Variants in SCN2B observed in about 807,000 individuals in gnomAD.
SCN2B encodes the protein sodium voltage-gated channel beta subunit 2, also known as sodium channel regulatory subunit beta-2.
Under a neutral mutation model 18.2 loss-of-function variants are expected in SCN2B, and 14 were observed. The observed-to-expected ratio is 0.77, with a 90% CI of 0.51 to 1.21. The LOEUF is 1.21. SCN2B is among the 50% of genes most tolerant of loss of function. The pLI is 0.00. For missense variants in SCN2B, 262 were observed against 286.9 expected, an observed-to-expected ratio of 0.91 and a Z score of 0.63; for synonymous variants, 115 against 115.3, an observed-to-expected ratio of 1.00 and a Z score of 0.02.
chr11:118,170,269 C>T (rs1046837224), intron 1 of SCN2B, among the ~76,000 whole-genome samples: 3 of 152,086 alleles, frequency 2.0e-5, no homozygotes, highest in African/African-American at 4.8e-5. Flanking sequence ...TGTCTGATGT[C>T]GGGTGGGCAG....
chr11:118,174,104 T>TTTTTTTG (rs1565464879), intron 1 of SCN2B, among the ~76,000 whole-genome samples: 16 of 128,152 alleles, frequency 1.2e-4, no homozygotes, highest in African/African-American at 4.4e-4. Context: ...TTTTTTTTTT[T>TTTTTTTG]TTTTTTTTTT....
rs774528898 is a variant in SCN2B at position 118,176,386 on chromosome 11, C to T, written c.46G>A (p.Gly16Arg). 1.4e-5 allele frequency: 22 copies of T among 1,613,906 alleles called. No homozygotes were observed. The South Asian group carries it at 2.4e-4, about 18-fold the overall frequency. ...CCCAAAGAGAAAAAGAGACTGAGCC[C>T]CGTGAGGCTGAAGGCAGGGCGAGGT... The part of the protein sequence containing the change: ...WLPRPAFSLT[G>R]LSLFFSLVPP... Residue 16 changes from glycine to arginine, a missense_variant, in exon 1 of 4, where the codon GGG becomes AGG. By Grantham distance (125) the Gly-to-Arg change is moderately radical. Coordinates refer to ENST00000278947, the MANE Select transcript of SCN2B (RefSeq NM_004588.5).
Position 118,163,468 on chromosome 11 carries a change from T to C in SCN2B, c.*3419A>G, listed in dbSNP as rs535652256. Reference sequence around the variant, plus strand: ...ATGGATCCGATCAGCTTTTCCTTTTTATAAACTGGAAATAACTGTGAAGAG... The same window carrying C: ...ATGGATCCGATCAGCTTTTCCTTTTCATAAACTGGAAATAACTGTGAAGAG... On this transcript the variant is annotated 3_prime_UTR_variant, in exon 4 of 4. Coordinates refer to ENST00000278947, the MANE Select transcript of SCN2B (RefSeq NM_004588.5). 31 of 152,788 alleles carry C rather than the reference T, an allele frequency of 2.0e-4. No individual in the cohort carries two copies. Among genetic ancestry groups the C allele is most frequent in the African/African-American group, 7.0e-4 (29 of 41,578 alleles). The allele number at this position is 152,788 out of a possible 1,614,324, so 9.5% of individuals were successfully genotyped here. A position where few individuals can be genotyped will look rare whatever the true frequency, so the allele number is the denominator to read the frequency against.
rs535211998 is a variant in SCN2B at position 118,168,345 on chromosome 11, A to G, written c.238-50T>C. 4 of 1,533,780 alleles carry G rather than the reference A, an allele frequency of 2.6e-6. No individual in the cohort carries two copies. The highest frequency in any genetic ancestry group is 3.6e-6 in the Non-Finnish European group (4 of 1,107,292). ...TGGGTGGCTGGATGAGCAAGGAACT[A>G]CAAGGACAGTGAGGATGCCCCCTCT... On this transcript the variant is annotated intron_variant, in intron 2 of 3. Coordinates refer to ENST00000278947, the MANE Select transcript of SCN2B (RefSeq NM_004588.5). The surrounding 1 kb of genome is among the most constrained non-coding windows in gnomAD (Gnocchi z 4.7).
chr11:118,168,061 C>A lies in SCN2B; in HGVS notation c.448+24G>T, dbSNP rs373620270. ...AGGTGGGTGGGAAAGGTCAGGGCCC[C>A]GCAGCTGGCACCCCAGCCTTCACCT... On this transcript the variant is annotated intron_variant, in intron 3 of 3. Transcript: ENST00000278947. The surrounding 1 kb of genome is among the most constrained non-coding windows in gnomAD (Gnocchi z 4.7). 1.2e-6 allele frequency: 2 copies of A among 1,602,578 alleles called. No individual in the cohort carries two copies. Among genetic ancestry groups the A allele is most frequent in the East Asian group, 2.3e-5 (1 of 44,430 alleles).
intron 1 of SCN2B, among the ~76,000 whole-genome samples, chr11:118,170,798 A>G (rs991450056): frequency 6.6e-6 from 1 of 152,182 alleles, no homozygotes; most frequent in Non-Finnish European, 1.5e-5. Flanking sequence ...AGCAAATGGT[A>G]GCTGCTATTA....
Position 118,174,091 on chromosome 11 carries a change from C to CTTTTGTTTTTTTTTTTTTTT in SCN2B, c.70+2270_70+2271insAAAAAAAAAAAAAAACAAAA, listed in dbSNP as rs1555101438. Among the ~76,000 whole-genome samples, 38 of 66,668 alleles carry CTTTTGTTTTTTTTTTTTTTT rather than the reference C, an allele frequency of 5.7e-4. 1 individual carries two copies. The highest frequency in any genetic ancestry group is 1.5e-3 in the East Asian group (3 of 2,020). 43.7% of individuals were successfully genotyped at this position (66,668 alleles called of 152,430 possible). On this transcript the variant is annotated intron_variant, in intron 1 of 3. Transcript: ENST00000278947. ...ACCATGCCTGGCTTATTTTTCTTTT[C>CTTTTGTTTTTTTTTTTTTTT]TTTTTTTTTTTTTTTTTTTTTTTTT...
At chr11:118,173,908 TTTC>T (rs934385769) in intron 1 of SCN2B, among the ~76,000 whole-genome samples, 13 of 150,194 alleles carry the variant, frequency 8.7e-5, no homozygotes, top group African/African-American at 3.2e-4. Flanking sequence ...TAGACTTCAC[TTTC>T]TTTCTTTCTT....
chr11:118,167,943 A>C (rs544139018), intron 3 of SCN2B, 142 bp downstream of exon 3: 6 of 725,852 alleles, frequency 8.3e-6, no homozygotes, highest in Non-Finnish European at 1.2e-5. Flanking sequence ...AGAGGGAAGA[A>C]AATGGATTCC....
At chr11:118,169,883 G>C (rs1396544991) in intron 1 of SCN2B, among the ~76,000 whole-genome samples, 2 of 152,128 alleles carry the variant, frequency 1.3e-5, no homozygotes, top group Non-Finnish European at 2.9e-5. Context: ...GACACTTAAG[G>C]GGCATCCACT....
intron 1 of SCN2B, among the ~76,000 whole-genome samples, chr11:118,175,480 A>T (rs1312804744): frequency 6.6e-6 from 1 of 152,246 alleles, no homozygotes; most frequent in Non-Finnish European, 1.5e-5. Flanking sequence ...TTCCATCAAC[A>T]GTCCTTGGAC....
At position 118,166,835 on chromosome 11, in the gene SCN2B, G is replaced by A. The variant is rs1682631714; in HGVS notation, c.*52C>T. On this transcript the variant is annotated 3_prime_UTR_variant, in exon 4 of 4. Transcript: ENST00000278947. ...AGCGAGCAGGCAGGGTCACTGTACA[G>A]GGCGGAGAGGGGAGGAGACGGGACA... The A allele has an allele frequency of 6.2e-7, 1 of 1,605,350 alleles. No individual in the cohort carries two copies. Among genetic ancestry groups the A allele is most frequent in the African/African-American group, 1.3e-5 (1 of 74,790 alleles).
chr11:118,168,418 G>T lies in SCN2B; in HGVS notation c.238-123C>A. 3 of 1,243,976 alleles carry T rather than the reference G, an allele frequency of 2.4e-6. No homozygotes were observed. Among genetic ancestry groups the T allele is most frequent in the East Asian group, 4.7e-5 (2 of 42,990 alleles). 77.1% of individuals were successfully genotyped at this position (1,243,976 alleles called of 1,614,324 possible). A position where few individuals can be genotyped will look rare whatever the true frequency, so the allele number is the denominator to read the frequency against. On this transcript the variant is annotated intron_variant, in intron 2 of 3. Coordinates refer to ENST00000278947, the MANE Select transcript of SCN2B (RefSeq NM_004588.5). This position sits in a 1 kb window ranked among gnomAD's most constrained non-coding sequence, Gnocchi z 4.7. The stretch of plus-strand genomic sequence containing the variant: ...GAAGAGAGGCAGTTACCTCTGTGAG[G>T]CACCTGGATGCGCAGCACACCTTGT...
chr11:118,176,241 C>A, intron 1 of SCN2B, 121 bp downstream of exon 1: 3 of 948,814 alleles, frequency 3.2e-6, no homozygotes, highest in South Asian at 1.3e-5. Flanking sequence ...AGCACCTCCC[C>A]TCCCAAGGAC....
chr11:118,168,362 G>A lies in SCN2B; in HGVS notation c.238-67C>T, dbSNP rs889338739. ...AAGGAACTACAAGGACAGTGAGGAT[G>A]CCCCCTCTTCCCATCCACCCTTTTC... On this transcript the variant is annotated intron_variant, in intron 2 of 3. Transcript: ENST00000278947. The surrounding 1 kb of genome is among the most constrained non-coding windows in gnomAD (Gnocchi z 4.7). The A allele has an allele frequency of 1.5e-5, 21 of 1,443,390 alleles. No individual in the cohort carries two copies. In the African/African-American group the frequency reaches 2.8e-4, roughly 19 times the overall value. 89.4% of individuals were successfully genotyped at this position (1,443,390 alleles called of 1,614,324 possible). A position where few individuals can be genotyped will look rare whatever the true frequency, so the allele number is the denominator to read the frequency against.
intron 1 of SCN2B, among the ~76,000 whole-genome samples, chr11:118,169,664 G>T (rs1948414498): frequency 1.3e-5 from 2 of 152,314 alleles, no homozygotes; most frequent in South Asian, 4.1e-4. Flanking sequence ...AGGGACAGGA[G>T]TCCCTCTTGA....
At chr11:118,174,087 TTTTC>T (rs1948449414) in intron 1 of SCN2B, among the ~76,000 whole-genome samples, 1 of 120,294 alleles carries the variant, frequency 8.3e-6, no homozygotes, top group Admixed American at 8.0e-5. Flanking sequence ...CTTATTTTTC[TTTTC>T]TTTTTTTTTT....
Position 118,174,736 on chromosome 11 carries a change from A to C in SCN2B, c.70+1626T>G, listed in dbSNP as rs1948456551. 1.3e-5 allele frequency among the ~76,000 whole-genome samples: 2 copies of C among 152,062 alleles called. 1 individual carries two copies. Among genetic ancestry groups the C allele is most frequent in the South Asian group, 4.2e-4 (2 of 4,804 alleles). On this transcript the variant is annotated intron_variant, in intron 1 of 3. Transcript: ENST00000278947. ...GACTCCCTCTTCCTCACCCTAGCCC[A>C]GAGCTCTGGGTCCTGGTCACTGAGC...
chr11:118,167,004 C>T lies in SCN2B; in HGVS notation c.531G>A (p.Leu177=), dbSNP rs1463340513. ...GGFLAVVILV[L]MVVKCVRRKK... The stretch of plus-strand genomic sequence containing the variant: ...TTCTCCTCACACACTTGACCACCAT[C>T]AGCACCAAGATGACCACAGCCAGGA... Residue 177 remains leucine, a synonymous_variant, in exon 4 of 4, where the codon CTG becomes CTA. Coordinates refer to ENST00000278947, the MANE Select transcript of SCN2B (RefSeq NM_004588.5). 1.2e-6 allele frequency: 2 copies of T among 1,614,042 alleles called. No individual in the cohort carries two copies. Among genetic ancestry groups the T allele is most frequent in the Non-Finnish European group, 1.7e-6 (2 of 1,180,036 alleles).
Sources: allele counts gnomAD v4.1 joint callset (sites outside exome capture counted in the v4.1 genomes callset), GRCh38; gene constraint gnomAD v4.1.1; non-coding constraint Gnocchi (gnomAD v3.1); transcripts MANE v1.5; gene names NCBI Gene and HGNC (gene_info 2026-07-23, HGNC 2026-07-21).